The following RGS17 variants were observed in gnomAD, a reference collection of about 807,000 sequenced individuals.
The protein encoded by RGS17 is regulator of G protein signaling 17, also known as regulator of G-protein signaling 17.
Under a neutral mutation model 25.5 loss-of-function variants are expected in RGS17, and 12 were observed. The observed-to-expected ratio is 0.47, with a 90% CI of 0.30 to 0.76. RGS17 has a LOEUF of 0.76. Among genes scored for constraint, RGS17 ranks in the 30% least tolerant of loss-of-function variants. The pLI, the probability that RGS17 is intolerant of heterozygous loss-of-function variation, is 0.07. For synonymous variants in RGS17, 71 were observed against 76.9 expected, an observed-to-expected ratio of 0.92 and a Z score of 0.40; for missense variants, 196 against 242.2, an observed-to-expected ratio of 0.81 and a Z score of 1.27.
chr6:153,087,272 T>C (rs1644252856), intron 1 of RGS17, among the ~76,000 whole-genome samples: 4 of 152,134 alleles, frequency 2.6e-5, no homozygotes, highest in Admixed American at 2.6e-4. Flanking sequence ...TGAGACTCCG[T>C]CTAAAACAAA....
At chr6:153,120,359 C>G (rs1435208457) in intron 1 of RGS17, among the ~76,000 whole-genome samples, 1 of 152,160 alleles carries the variant, frequency 6.6e-6, no homozygotes, top group African/African-American at 2.4e-5. Flanking sequence ...TCCTTATTTC[C>G]CAGACTCATA....
At chr6:153,030,346 G>T (rs1483562137) in intron 2 of RGS17, among the ~76,000 whole-genome samples, 1 of 152,180 alleles carries the variant, frequency 6.6e-6, no homozygotes, top group East Asian at 1.9e-4. Context: ...AAAACAATTG[G>T]TTCTTAAGAA....
chr6:153,031,316 T>C (rs1779361145), intron 2 of RGS17, among the ~76,000 whole-genome samples: 1 of 152,236 alleles, frequency 6.6e-6, no homozygotes, highest in South Asian at 2.1e-4. Context: ...AGGCCCATTA[T>C]TACAGATGCT....
At chr6:153,013,310 C>T (rs1420279640) in intron 4 of RGS17, among the ~76,000 whole-genome samples, 1 of 152,128 alleles carries the variant, frequency 6.6e-6, no homozygotes, top group African/African-American at 2.4e-5. Context: ...GAACCATGCC[C>T]ATATAAGACT....
rs1779069463 is a variant in RGS17 at position 153,005,854 on chromosome 6, A to G, written c.*5720T>C. On this transcript the variant is annotated 3_prime_UTR_variant, in exon 5 of 5. Coordinates refer to ENST00000206262, the MANE Select transcript of RGS17 (RefSeq NM_012419.5). ...TGGGACAGAAAAAGGACATTAGGTT[A>G]TAAACTAAGGAAATCTGAATGAAGT... The G allele has an allele frequency of 6.6e-6, 1 of 152,252 alleles. No individual in the cohort carries two copies. Among genetic ancestry groups the G allele is most frequent in the Non-Finnish European group, 1.5e-5 (1 of 68,048 alleles). The allele number at this position is 152,252 out of a possible 1,614,324, so 9.4% of individuals were successfully genotyped here. A position where few individuals can be genotyped will look rare whatever the true frequency, so the allele number is the denominator to read the frequency against.
At chr6:153,077,838 G>T (rs1399088252) in intron 1 of RGS17, among the ~76,000 whole-genome samples, 1 of 151,394 alleles carries the variant, frequency 6.6e-6, no homozygotes, top group Admixed American at 6.6e-5. Flanking sequence ...GTTTATATTT[G>T]GAGTCTCTAA....
intron 3 of RGS17, among the ~76,000 whole-genome samples, chr6:153,025,496 T>C (rs1779290121): frequency 6.6e-6 from 1 of 151,732 alleles, no homozygotes; most frequent in South Asian, 2.1e-4. Flanking sequence ...ATCCACTTGC[T>C]TATACATTAA....
At position 153,009,623 on chromosome 6, in the gene RGS17, AAC is replaced by A. The variant is rs761678715; in HGVS notation, c.*1949_*1950del. The A allele has an allele frequency of 7.9e-5, 12 of 152,122 alleles. No homozygotes were observed. The highest frequency in any genetic ancestry group is 7.7e-4 in the East Asian group (4 of 5,194). 9.4% of individuals were successfully genotyped at this position (152,122 alleles called of 1,614,324 possible). A position where few individuals can be genotyped will look rare whatever the true frequency, so the allele number is the denominator to read the frequency against. The stretch of plus-strand genomic sequence containing the variant: ...TCTTAACACACTAACACTTTCAGAA[AAC>A]ACAGGCATTTGTTAAAAGAAATGAT... On this transcript the variant is annotated 3_prime_UTR_variant, in exon 5 of 5. Coordinates refer to ENST00000206262, the MANE Select transcript of RGS17 (RefSeq NM_012419.5).
At chr6:153,108,741 G>A (rs930349106) in intron 1 of RGS17, among the ~76,000 whole-genome samples, 8 of 150,082 alleles carry the variant, frequency 5.3e-5, no homozygotes, top group East Asian at 2.0e-4. Context: ...CAGCCACTAC[G>A]CCTCTGGTAC....
intron 1 of RGS17, among the ~76,000 whole-genome samples, chr6:153,063,263 C>G (rs950960418): frequency 6.6e-6 from 1 of 152,118 alleles, no homozygotes; most frequent in Non-Finnish European, 1.5e-5. Context: ...CTTGAAGAAA[C>G]AGAGATATAT....
At chr6:153,085,103 T>C (rs899382201) in intron 1 of RGS17, among the ~76,000 whole-genome samples, 2 of 152,190 alleles carry the variant, frequency 1.3e-5, no homozygotes, top group East Asian at 1.9e-4. Flanking sequence ...GTAAGGTATA[T>C]ATACAAATGG....
At chr6:153,125,632 T>G (rs1438330938) in intron 1 of RGS17, among the ~76,000 whole-genome samples, 6 of 152,142 alleles carry the variant, frequency 3.9e-5, no homozygotes, top group Admixed American at 3.9e-4. Flanking sequence ...TTTGGGAGGC[T>G]GAGGTGGGTG....
At chr6:153,105,109 G>A (rs1777360272) in intron 1 of RGS17, among the ~76,000 whole-genome samples, 1 of 151,610 alleles carries the variant, frequency 6.6e-6, no homozygotes, top group Admixed American at 6.7e-5. Context: ...GCCAATGTAA[G>A]GACTTTGGGA....
chr6:153,120,981 T>G (rs974578004), intron 1 of RGS17, among the ~76,000 whole-genome samples: 1 of 152,134 alleles, frequency 6.6e-6, no homozygotes, highest in Non-Finnish European at 1.5e-5. Context: ...GCATTTTAGT[T>G]CTCTCCTAGA....
rs369863441 is a variant in RGS17, at chr6:153,114,668, C to T, written c.-26+16456G>A. Among the ~76,000 whole-genome samples the T allele has an allele frequency of 2.0e-4, 31 of 152,218 alleles. No individual in the cohort carries two copies. In the East Asian group the frequency reaches 5.0e-3, roughly 25 times the overall value. On this transcript the variant is annotated intron_variant, in intron 1 of 4. Coordinates refer to ENST00000206262, the MANE Select transcript of RGS17 (RefSeq NM_012419.5). ...CCAATATCCCTGATGAACATCGACG[C>T]GAAAATCCTCAATAAGATACTGGCA...
chr6:153,047,364 C>T (rs370065042), intron 1 of RGS17, among the ~76,000 whole-genome samples: 4 of 152,158 alleles, frequency 2.6e-5, no homozygotes, highest in Non-Finnish European at 5.9e-5. Flanking sequence ...ACATCAATTA[C>T]GAAAATGGGT....
chr6:153,012,668 CCACT>C lies in RGS17; in HGVS notation c.445-910_445-907del, dbSNP rs374075469. On this transcript the variant is annotated intron_variant, in intron 4 of 4. Coordinates refer to ENST00000206262, the MANE Select transcript of RGS17 (RefSeq NM_012419.5). ...GAACAACCCTACAAGTGGTAAACAA[CCACT>C]CAAAGTCCAGATTGTTTTCCTCGAT... Among the ~76,000 whole-genome samples, 301 of 152,282 alleles carry C rather than the reference CCACT, an allele frequency of 2.0e-3. 1 individual carries two copies. The highest frequency in any genetic ancestry group is 8.7e-3 in the East Asian group (45 of 5,178).
intron 1 of RGS17, among the ~76,000 whole-genome samples, chr6:153,079,641 C>G (rs1405604965): frequency 6.6e-6 from 1 of 151,946 alleles, no homozygotes; most frequent in African/African-American, 2.4e-5. Context: ...AACTCATAAT[C>G]CTGGAATAAA....
At chr6:153,100,510 A>G (rs1777284424) in intron 1 of RGS17, among the ~76,000 whole-genome samples, 1 of 150,592 alleles carries the variant, frequency 6.6e-6, no homozygotes, top group Non-Finnish European at 1.5e-5. Context: ...TCCTATATGT[A>G]TGTAAAATTA....
Sources: allele counts gnomAD v4.1 joint callset (sites outside exome capture counted in the v4.1 genomes callset), GRCh38; gene constraint gnomAD v4.1.1; transcripts MANE v1.5; gene names NCBI Gene and HGNC (gene_info 2026-07-23, HGNC 2026-07-21).